Variants in ATG2B observed in about 807,000 individuals in gnomAD.
ATG2B encodes the protein autophagy-related protein 2 homolog B.
A neutral mutation model predicts 241.3 loss-of-function variants in ATG2B; 121 were observed. That is an observed-to-expected ratio of 0.50 (90% CI 0.43 to 0.58). The LOEUF (loss-of-function observed/expected upper bound fraction) is 0.58, where lower values mean the gene tolerates loss of function less well. Ranked by LOEUF, ATG2B falls within the 20% of genes least tolerant of loss-of-function variation. The pLI, the probability that ATG2B is intolerant of heterozygous loss-of-function variation, is 0.00. For missense variants in ATG2B, 2,306 were observed against 2,491.6 expected (o/e 0.93, Z 1.59); for synonymous variants, 858 against 876.6 (o/e 0.98, Z 0.37).
chr14:96,347,709 T>C (rs904770897), intron 1 of ATG2B, among the ~76,000 whole-genome samples: 13 of 152,108 alleles, frequency 8.5e-5, no homozygotes, highest in African/African-American at 2.9e-4. Flanking sequence ...AGACATAAAA[T>C]GGCAAACAGG....
intron 16 of ATG2B, 43 bp downstream of exon 16, chr14:96,323,853 T>G (rs1887520095): frequency 7.8e-7 from 1 of 1,279,188 alleles, no homozygotes; most frequent in East Asian, 2.3e-5. Context: ...TATTTTATTT[T>G]TAAAAGGAAA....
Position 96,280,491 on chromosome 14 carries a change from T to C in ATG2B, c.*5264A>G, listed in dbSNP as rs1886168849. On this transcript the variant is annotated 3_prime_UTR_variant, in exon 42 of 42. Coordinates refer to ENST00000359933, the MANE Select transcript of ATG2B (RefSeq NM_018036.7). Reference sequence around the variant, plus strand: ...CCATCCCTTTTTTCAACAAGAGCCATGGGTGAAGTGTGACTTGTCATTTTT... The same window carrying C: ...CCATCCCTTTTTTCAACAAGAGCCACGGGTGAAGTGTGACTTGTCATTTTT... 1 of 152,136 alleles carries C rather than the reference T, an allele frequency of 6.6e-6. No homozygotes were observed. Among genetic ancestry groups the C allele is most frequent in the Non-Finnish European group, 1.5e-5 (1 of 68,030 alleles). 9.4% of individuals were successfully genotyped at this position (152,136 alleles called of 1,614,324 possible).
In ATG2B at chr14:96,280,100, G is replaced by A. The variant is rs1258098001; in HGVS notation, c.*5655C>T. 1 of 152,276 alleles carries A rather than the reference G, an allele frequency of 6.6e-6. No homozygotes were observed. Among genetic ancestry groups the A allele is most frequent in the Non-Finnish European group, 1.5e-5 (1 of 68,108 alleles). 9.4% of individuals were successfully genotyped at this position (152,276 alleles called of 1,614,324 possible). A position where few individuals can be genotyped will look rare whatever the true frequency, so the allele number is the denominator to read the frequency against. ...GCATGCAGAACTGAACCGCTGGGGTGGCTAAGCACAGCCAGAAGAGGGGAG... is the reference window on the plus strand; with the variant it reads ...GCATGCAGAACTGAACCGCTGGGGTAGCTAAGCACAGCCAGAAGAGGGGAG... On this transcript the variant is annotated 3_prime_UTR_variant, in exon 42 of 42. Coordinates refer to ENST00000359933, the MANE Select transcript of ATG2B (RefSeq NM_018036.7).
intron 4 of ATG2B, among the ~76,000 whole-genome samples, chr14:96,344,261 G>C (rs1309313554): frequency 2.6e-5 from 4 of 152,198 alleles, no homozygotes; most frequent in Non-Finnish European, 4.4e-5. Context: ...GCAGCACTTA[G>C]ATTAAGCACA....
chr14:96,356,515 T>C (rs1595337599), intron 1 of ATG2B, among the ~76,000 whole-genome samples: 1 of 152,172 alleles, frequency 6.6e-6, no homozygotes, highest in South Asian at 2.1e-4. Flanking sequence ...GGCTGGCTCA[T>C]AGAACAAGCT....
chr14:96,350,411 T>C (rs1888283426), intron 1 of ATG2B, among the ~76,000 whole-genome samples: 1 of 152,094 alleles, frequency 6.6e-6, no homozygotes, highest in South Asian at 2.1e-4. Flanking sequence ...AGAAGAGTGG[T>C]CAAGCTCAAC....
chr14:96,343,185 C>T lies in ATG2B; in HGVS notation c.678G>A (p.Val226=), dbSNP rs1888088670. The T allele has an allele frequency of 1.9e-6, 3 of 1,608,142 alleles. No individual in the cohort carries two copies. Among genetic ancestry groups the T allele is most frequent in the Non-Finnish European group, 2.6e-6 (3 of 1,176,364 alleles). ...FAHKLLQLSG[V]SLFWDEFSAS... The stretch of plus-strand genomic sequence containing the variant: ...CAGAAAACTCATCCCAGAAGAGAGA[C>T]ACTCCAGAGAGCTGAAGTAACTTGT... Residue 226 remains valine, a synonymous_variant, in exon 5 of 42, where the codon GTG becomes GTA. Transcript: ENST00000359933.
Position 96,283,406 on chromosome 14 carries a change from A to C in ATG2B, c.*2349T>G, listed in dbSNP as rs1429442779. 3 of 152,260 alleles carry C rather than the reference A, an allele frequency of 2.0e-5. No homozygotes were observed. Among genetic ancestry groups the C allele is most frequent in the African/African-American group, 7.2e-5 (3 of 41,434 alleles). 9.4% of individuals were successfully genotyped at this position (152,260 alleles called of 1,614,324 possible). ...TGCTCCGCGTGTGATGTCGCCAGAG[A>C]GGACTCTCACTGGACGAGGCCCAGT... On this transcript the variant is annotated 3_prime_UTR_variant, in exon 42 of 42. Coordinates refer to ENST00000359933, the MANE Select transcript of ATG2B (RefSeq NM_018036.7).
At chr14:96,341,258 C>T (rs936072608) in intron 6 of ATG2B, among the ~76,000 whole-genome samples, 7 of 152,066 alleles carry the variant, frequency 4.6e-5, no homozygotes, top group South Asian at 2.1e-4. Context: ...TTGTCAGTTT[C>T]GAATTGTCGG....
At chr14:96,313,460 C>T (rs755537704) in intron 23 of ATG2B, 25 bp from the exon 24 acceptor site, 2 of 1,313,366 alleles carry the variant, frequency 1.5e-6, no homozygotes, top group South Asian at 1.4e-5. Flanking sequence ...AATTAAAACG[C>T]CCTGCTTTAG....
At chr14:96,341,845 T>C (rs546574088) in intron 5 of ATG2B, 144 bp from the exon 6 acceptor site, 3 of 588,208 alleles carry the variant, frequency 5.1e-6, no homozygotes, top group African/African-American at 1.9e-5. Context: ...CAGTATCGTA[T>C]AGCTAAAATG....
At chr14:96,297,936 C>T (rs1021508079) in intron 34 of ATG2B, among the ~76,000 whole-genome samples, 2 of 152,054 alleles carry the variant, frequency 1.3e-5, no homozygotes, top group African/African-American at 4.8e-5. Flanking sequence ...GGAATATAGG[C>T]AGGCACCACC....
At chr14:96,294,877 A>G in intron 36 of ATG2B, 83 bp downstream of exon 36, 1 of 1,264,870 alleles carries the variant, frequency 7.9e-7, no homozygotes. Flanking sequence ...ACGGAACCTC[A>G]TGATTACCAG....
At chr14:96,288,845 G>T (rs556180717) in intron 41 of ATG2B, among the ~76,000 whole-genome samples, 1 of 149,886 alleles carries the variant, frequency 6.7e-6, no homozygotes, top group South Asian at 2.1e-4. Context: ...GCACAACCGT[G>T]TCAGAGAGCA....
chr14:96,284,260 G>A lies in ATG2B; in HGVS notation c.*1495C>T, dbSNP rs1042538042. The A allele has an allele frequency of 6.6e-6, 1 of 152,162 alleles. No homozygotes were observed. The highest frequency in any genetic ancestry group is 2.4e-5 in the African/African-American group (1 of 41,426). 9.4% of individuals were successfully genotyped at this position (152,162 alleles called of 1,614,324 possible). A position where few individuals can be genotyped will look rare whatever the true frequency, so the allele number is the denominator to read the frequency against. On this transcript the variant is annotated 3_prime_UTR_variant, in exon 42 of 42. Transcript: ENST00000359933. ...CCCGAATAAGAGATGGTCCCACGGT[G>A]CTTAAACAGGTGGTTACGCTGTTGT...
intron 36 of ATG2B, among the ~76,000 whole-genome samples, chr14:96,292,785 A>T (rs1226569225): frequency 1.3e-5 from 2 of 152,234 alleles, no homozygotes; most frequent in African/African-American, 4.8e-5. Context: ...AATTATAATT[A>T]TACAGTTGTC....
intron 34 of ATG2B, 101 bp downstream of exon 34, chr14:96,301,906 C>T (rs2139846743): frequency 1.1e-6 from 1 of 895,336 alleles, no homozygotes. Context: ...ATATATGTAA[C>T]CGCCATAAAA....
At position 96,280,915 on chromosome 14, in the gene ATG2B, G is replaced by A. The variant is rs1886182329; in HGVS notation, c.*4840C>T. 6.6e-6 allele frequency: 1 copy of A among 152,138 alleles called. No individual in the cohort carries two copies. The highest frequency in any genetic ancestry group is 2.4e-5 in the African/African-American group (1 of 41,404). The allele number at this position is 152,138 out of a possible 1,614,324, so 9.4% of individuals were successfully genotyped here. A position where few individuals can be genotyped will look rare whatever the true frequency, so the allele number is the denominator to read the frequency against. On this transcript the variant is annotated 3_prime_UTR_variant, in exon 42 of 42. Coordinates refer to ENST00000359933, the MANE Select transcript of ATG2B (RefSeq NM_018036.7). Reference sequence around the variant, plus strand: ...AAATAAATAAAATAAAAATAAGTATGTCTTTTAAATATTCCCTTCATAAGT... The same window carrying A: ...AAATAAATAAAATAAAAATAAGTATATCTTTTAAATATTCCCTTCATAAGT...
chr14:96,337,396 AT>A (rs773746178), intron 6 of ATG2B, among the ~76,000 whole-genome samples: 5 of 152,190 alleles, frequency 3.3e-5, no homozygotes, highest in Non-Finnish European at 7.3e-5. Context: ...GATCAATATG[AT>A]TCCCTAAGAG....
Sources: gnomAD v4.1 joint callset for allele counts (sites outside exome capture counted in the v4.1 genomes callset) on GRCh38, gnomAD v4.1.1 for gene constraint, MANE v1.5 for transcripts, NCBI Gene and HGNC (gene_info 2026-07-23, HGNC 2026-07-21) for gene names.